Variants in REC114 observed in about 807,000 individuals in gnomAD.
The protein encoded by REC114 is REC114 meiotic recombination protein, also known as meiotic recombination protein REC114.
In REC114, 27 loss-of-function variants were observed where a neutral mutation model predicts 31.3. The observed-to-expected ratio is 0.86, with a 90% CI of 0.64 to 1.19. REC114 has a LOEUF of 1.19. Ranked by LOEUF, REC114 falls within the 50% of genes most tolerant of loss-of-function variation. The pLI, the probability that REC114 is intolerant of heterozygous loss-of-function variation, is 0.00. For missense variants in REC114, 344 were observed against 326.9 expected, an observed-to-expected ratio of 1.05 and a Z score of -0.40; for synonymous variants, 134 against 127.7, an observed-to-expected ratio of 1.05 and a Z score of -0.33.
intron 5 of REC114, among the ~76,000 whole-genome samples, chr15:73,557,899 A>G (rs943316743): frequency 1.3e-5 from 2 of 152,244 alleles, no homozygotes; most frequent in Non-Finnish European, 2.9e-5. Flanking sequence ...ATCAAATTTA[A>G]TATTATGTTA....
chr15:73,461,907 TTTTC>T (rs1245785880), intron 1 of REC114, among the ~76,000 whole-genome samples: 1 of 140,804 alleles, frequency 7.1e-6, no homozygotes, highest in Non-Finnish European at 1.6e-5. Context: ...ACATTTTTCT[TTTTC>T]TTTTTCTTTT....
intron 2 of REC114, among the ~76,000 whole-genome samples, chr15:73,539,185 G>T (rs1318778740): frequency 6.6e-6 from 1 of 150,388 alleles, no homozygotes; most frequent in African/African-American, 2.5e-5. Context: ...TTCTGAGAGG[G>T]TTTTAAGAAG....
intron 2 of REC114, among the ~76,000 whole-genome samples, chr15:73,516,721 G>A (rs1893862298): frequency 6.6e-6 from 1 of 152,116 alleles, no homozygotes; most frequent in African/African-American, 2.4e-5. Context: ...TCTGCCTCCT[G>A]GGTTCAAGCA....
chr15:73,555,729 A>C (rs1036183374), intron 4 of REC114, among the ~76,000 whole-genome samples: 5 of 152,158 alleles, frequency 3.3e-5, no homozygotes, highest in Admixed American at 6.5e-5. Context: ...TTGTTGAAAG[A>C]AGATATCTGT....
chr15:73,470,616 A>G (rs963685053), intron 1 of REC114, among the ~76,000 whole-genome samples: 7 of 151,726 alleles, frequency 4.6e-5, no homozygotes, highest in South Asian at 2.1e-4. Flanking sequence ...CAAAACGGGG[A>G]AAAAAAAATC....
intron 1 of REC114, among the ~76,000 whole-genome samples, chr15:73,462,274 C>G (rs768742274): frequency 1.2e-4 from 18 of 151,782 alleles, no homozygotes; most frequent in Admixed American, 8.5e-4. Flanking sequence ...TGTGAACATG[C>G]CAGTAGTATA....
chr15:73,453,198 T>C (rs1179294400), intron 1 of REC114, among the ~76,000 whole-genome samples: 1 of 152,060 alleles, frequency 6.6e-6, no homozygotes, highest in Non-Finnish European at 1.5e-5. Flanking sequence ...GAACAGGCAA[T>C]CTACAGTATG....
intron 2 of REC114, among the ~76,000 whole-genome samples, chr15:73,525,812 C>T (rs755952477): frequency 2.6e-5 from 4 of 152,030 alleles, no homozygotes; most frequent in Admixed American, 6.5e-5. Flanking sequence ...AATGTATATT[C>T]TGCTGCTGAT....
At chr15:73,506,332 G>A (rs971038167) in intron 2 of REC114, among the ~76,000 whole-genome samples, 2 of 152,232 alleles carry the variant, frequency 1.3e-5, no homozygotes, top group African/African-American at 4.8e-5. Flanking sequence ...TGCTTTTAAT[G>A]TCACTTAGTA....
At position 73,513,232 on chromosome 15, in the gene REC114, C is replaced by T. The variant is rs1191387705; in HGVS notation, c.250-27253C>T. ...GCTGATACCCTTTCTTCCAGTTGAT[C>T]GCATCGGCTCCTGAGGCTTCTGCAT... On this transcript the variant is annotated intron_variant, in intron 2 of 5. Coordinates refer to ENST00000331090, the MANE Select transcript of REC114 (RefSeq NM_001042367.2). Among the ~76,000 whole-genome samples the T allele has an allele frequency of 7.9e-5, 12 of 151,202 alleles. No individual in the cohort carries two copies. In the South Asian group the frequency reaches 8.4e-4, roughly 11 times the overall value.
chr15:73,516,466 C>T (rs1219960976), intron 2 of REC114, among the ~76,000 whole-genome samples: 1 of 151,666 alleles, frequency 6.6e-6, no homozygotes, highest in African/African-American at 2.4e-5. Context: ...AAATCAAAGC[C>T]AAGGTATGGA....
chr15:73,476,882 T>C (rs1442394760), intron 2 of REC114, among the ~76,000 whole-genome samples: 1 of 152,238 alleles, frequency 6.6e-6, no homozygotes, highest in East Asian at 1.9e-4. Context: ...TTTTTCATCG[T>C]TAAATGTCCA....
chr15:73,484,544 C>A (rs2045718519), intron 2 of REC114, among the ~76,000 whole-genome samples: 1 of 152,208 alleles, frequency 6.6e-6, no homozygotes, highest in Admixed American at 6.5e-5. Flanking sequence ...AAAACACATT[C>A]TCTTACATAT....
chr15:73,540,770 A>G (rs1325449354), intron 3 of REC114, among the ~76,000 whole-genome samples: 4 of 152,176 alleles, frequency 2.6e-5, no homozygotes, highest in Non-Finnish European at 4.4e-5. Flanking sequence ...CTAAGGAGTC[A>G]GGCTCTGATG....
At chr15:73,550,684 TATG>T (rs773313642) in intron 3 of REC114, among the ~76,000 whole-genome samples, 1 of 152,220 alleles carries the variant, frequency 6.6e-6, no homozygotes, top group African/African-American at 2.4e-5. Flanking sequence ...TTCCTGTCTT[TATG>T]ATATGAGCTT....
intron 4 of REC114, 73 bp from the exon 5 acceptor site, chr15:73,556,229 C>A: frequency 7.8e-7 from 1 of 1,288,766 alleles, no homozygotes; most frequent in Non-Finnish European, 1.1e-6. Flanking sequence ...ATGCATATTT[C>A]TGCTCTTTAA....
chr15:73,520,931 C>T (rs1476827086), intron 2 of REC114, among the ~76,000 whole-genome samples: 1 of 148,142 alleles, frequency 6.8e-6, no homozygotes, highest in Non-Finnish European at 1.5e-5. Flanking sequence ...TCTTGAGATA[C>T]AGAGGTTTGT....
intron 2 of REC114, among the ~76,000 whole-genome samples, chr15:73,508,852 C>T (rs2141313324): frequency 6.6e-6 from 1 of 151,772 alleles, no homozygotes; most frequent in African/African-American, 2.4e-5. Context: ...CATTGTTGGA[C>T]ATTTGGGTTG....
chr15:73,468,847 C>A (rs1014010068), intron 1 of REC114, among the ~76,000 whole-genome samples: 1 of 151,960 alleles, frequency 6.6e-6, no homozygotes, highest in African/African-American at 2.4e-5. Flanking sequence ...AATATGTTAA[C>A]ATGGTGAATA....
Sources: gnomAD v4.1 joint callset for allele counts (sites outside exome capture counted in the v4.1 genomes callset) on GRCh38, gnomAD v4.1.1 for gene constraint, MANE v1.5 for transcripts, NCBI Gene and HGNC (gene_info 2026-07-23, HGNC 2026-07-21) for gene names.